MAF: variants seen among roughly 807,000 people sequenced by gnomAD.
The protein encoded by MAF is transcription factor Maf.
Under a neutral mutation model 22.0 loss-of-function variants are expected in MAF, and 10 were observed. The observed-to-expected ratio is 0.45, with a 90% CI of 0.28 to 0.77. MAF has a LOEUF of 0.77. Among genes scored for constraint, MAF ranks in the 30% least tolerant of loss-of-function variants. The pLI, the probability that MAF is intolerant of heterozygous loss-of-function variation, is 0.12. For missense variants in MAF, 544 were observed against 548.4 expected, an observed-to-expected ratio of 0.99 and a Z score of 0.08; for synonymous variants, 337 against 255.8, an observed-to-expected ratio of 1.32 and a Z score of -3.03.
At chr16:79,596,167 C>A in intron 1 of MAF, 2 of 1,062,726 alleles carry the variant, frequency 1.9e-6, no homozygotes, top group Non-Finnish European at 2.3e-6. Flanking sequence ...AAGTGTAGGG[C>A]CATGCTCAGG....
At chr16:79,585,622 G>T (rs1372585967), downstream of MAF, among the ~76,000 whole-genome samples, 4 of 152,088 alleles carry the variant, frequency 2.6e-5, no homozygotes, top group Non-Finnish European at 4.4e-5. Flanking sequence ...TGGATATAAT[G>T]AAATAAACAC....
the MAF span, among the ~76,000 whole-genome samples, chr16:79,566,630 C>T: frequency 6.7e-6 from 1 of 148,176 alleles, no homozygotes; most frequent in Admixed American, 6.7e-5. Flanking sequence ...GGGGAAGAAG[C>T]CAAGGTTCAA....
At chr16:79,563,740 C>CAG in the MAF span, among the ~76,000 whole-genome samples, 1 of 149,416 alleles carries the variant, frequency 6.7e-6, no homozygotes, top group African/African-American at 2.5e-5. Flanking sequence ...CTAGCAAACA[C>CAG]ACACACACAC....
the MAF span, among the ~76,000 whole-genome samples, chr16:79,372,335 A>G: frequency 1.3e-5 from 2 of 152,206 alleles, no homozygotes; most frequent in African/African-American, 4.8e-5. Context: ...TTTAAATAAT[A>G]GATGTTAAAA....
the MAF span, among the ~76,000 whole-genome samples, chr16:79,220,430 C>A: frequency 8.6e-5 from 13 of 151,918 alleles, no homozygotes; most frequent in African/African-American, 3.1e-4. Context: ...TTGTAGTTTT[C>A]ATTTTATATA....
At chr16:79,280,345 GT>G in the MAF span, among the ~76,000 whole-genome samples, 1 of 152,214 alleles carries the variant, frequency 6.6e-6, no homozygotes, top group Non-Finnish European at 1.5e-5. Flanking sequence ...TGCAGTCTAA[GT>G]TTTGAAAAGG....
chr16:79,525,971 C>G, the MAF span, among the ~76,000 whole-genome samples: 1 of 152,188 alleles, frequency 6.6e-6, no homozygotes, highest in Non-Finnish European at 1.5e-5. Flanking sequence ...GCTTCCTTAC[C>G]TTAACCAGCC....
chr16:79,381,690 C>G, the MAF span, among the ~76,000 whole-genome samples: 1 of 152,132 alleles, frequency 6.6e-6, no homozygotes, highest in Non-Finnish European at 1.5e-5. Flanking sequence ...TGGTTGCTAA[C>G]GGCAGTCTTC....
chr16:79,535,636 C>A, the MAF span, among the ~76,000 whole-genome samples: 1 of 133,192 alleles, frequency 7.5e-6, no homozygotes, highest in Non-Finnish European at 1.5e-5. Context: ...GTCGCCCAGG[C>A]TGGAGTGCAA....
chr16:79,353,352 C>A, the MAF span, among the ~76,000 whole-genome samples: 1 of 152,162 alleles, frequency 6.6e-6, no homozygotes, highest in South Asian at 2.1e-4. Context: ...TAGTCTTGAA[C>A]TGCGAAGCTC....
chr16:79,408,446 G>C, the MAF span, among the ~76,000 whole-genome samples: 2 of 152,260 alleles, frequency 1.3e-5, no homozygotes, highest in East Asian at 3.9e-4. Context: ...AAAGCGCTGG[G>C]ATTACAGGTG....
the MAF span, among the ~76,000 whole-genome samples, chr16:79,470,326 G>T: frequency 7.2e-5 from 11 of 152,272 alleles, no homozygotes; most frequent in East Asian, 1.6e-3. Context: ...GCAAAGTTAG[G>T]GGATGGGTCC....
the MAF span, among the ~76,000 whole-genome samples, chr16:79,226,936 A>C: frequency 2.0e-5 from 3 of 152,220 alleles, no homozygotes; most frequent in East Asian, 3.9e-4. Flanking sequence ...ATACTGACAG[A>C]AATGGAATGG....
the MAF span, among the ~76,000 whole-genome samples, chr16:79,387,271 G>C: frequency 6.6e-6 from 1 of 152,150 alleles, no homozygotes; most frequent in Admixed American, 6.5e-5. Flanking sequence ...TCCCATCTCT[G>C]CTCTTTTAAC....
At chr16:79,215,709 A>G in the MAF span, among the ~76,000 whole-genome samples, 8 of 152,292 alleles carry the variant, frequency 5.3e-5, no homozygotes, top group East Asian at 1.2e-3. Context: ...GGCTTCATAC[A>G]TTCATTCATT....
chr16:79,512,729 G>A, the MAF span, among the ~76,000 whole-genome samples: 4 of 152,358 alleles, frequency 2.6e-5, no homozygotes, highest in South Asian at 8.3e-4. Context: ...AGTAACAGAT[G>A]TGCGTGAGTC....
At chr16:79,449,059 G>C in the MAF span, among the ~76,000 whole-genome samples, 3 of 152,158 alleles carry the variant, frequency 2.0e-5, no homozygotes, top group African/African-American at 7.2e-5. Context: ...GGGGTGATGG[G>C]AGACAGTGAC....
chr16:79,340,035 C>A, the MAF span, among the ~76,000 whole-genome samples: 5 of 152,154 alleles, frequency 3.3e-5, no homozygotes, highest in Non-Finnish European at 5.9e-5. Flanking sequence ...TGGACTGCAG[C>A]GTGGAAATCC....
chr16:79,510,183 G>C, the MAF span, among the ~76,000 whole-genome samples: 1 of 152,144 alleles, frequency 6.6e-6, no homozygotes, highest in Non-Finnish European at 1.5e-5. Flanking sequence ...GTGAGTTAAA[G>C]GCAAATATAG....
Sources: gnomAD v4.1 joint callset for allele counts (sites outside exome capture counted in the v4.1 genomes callset) on GRCh38, gnomAD v4.1.1 for gene constraint, MANE v1.5 for transcripts, NCBI Gene and HGNC (gene_info 2026-07-23, HGNC 2026-07-21) for gene names.